Variants in KIAA1755 observed in about 807,000 individuals in gnomAD.
The protein encoded by KIAA1755 is KIAA1755.
In KIAA1755, 68 loss-of-function variants were observed where a neutral mutation model predicts 91.7. The observed-to-expected ratio is 0.74, with a 90% CI of 0.61 to 0.91. KIAA1755 has a LOEUF of 0.91. Ranked by LOEUF, KIAA1755 falls within the 40% of genes least tolerant of loss-of-function variation. KIAA1755 has a pLI of 0.00. For synonymous variants in KIAA1755, 610 were observed against 604.6 expected (o/e 1.01, Z -0.13); for missense variants, 1,535 against 1,494.4 (o/e 1.03, Z -0.45).
intron 13 of KIAA1755, among the ~76,000 whole-genome samples, chr20:38,215,709 C>T (rs1211174680): frequency 6.6e-6 from 1 of 152,136 alleles, no homozygotes; most frequent in Non-Finnish European, 1.5e-5. Flanking sequence ...CACGTTTGAT[C>T]GATCCGGGAA....
chr20:38,215,991 T>G (rs2075537408), intron 13 of KIAA1755, among the ~76,000 whole-genome samples: 1 of 152,208 alleles, frequency 6.6e-6, no homozygotes, highest in Non-Finnish European at 1.5e-5. Flanking sequence ...GGGTGAGTTA[T>G]CTGACCTCTC....
At chr20:38,233,743 C>A (rs1414812456) in intron 4 of KIAA1755, 2 of 152,102 alleles carry the variant, frequency 1.3e-5, no homozygotes, top group East Asian at 3.8e-4. Flanking sequence ...AAACTGCAAG[C>A]TTCTGGACCT....
rs1164000672 is a variant in KIAA1755, at chr20:38,240,686, G to C, written c.1445C>G (p.Pro482Arg). ...KFSFLRGQRQ[P>R]SVTPEKASLQ... is the part of the protein sequence containing the mutation. ...TGAGGCTTTCTCCGGGGTCACAGAG[G>C]GTTGCCTCTGCCCTCTCAAGAATGA... Residue 482 changes from proline (P) to arginine (R), a missense_variant, in exon 3 of 14, where the codon CCC (proline) becomes CGC (arginine). Physicochemically the swap from Pro to Arg is moderately radical, Grantham distance 103. Transcript: ENST00000279024. The C allele has an allele frequency of 1.3e-6, 2 of 1,556,834 alleles. No individual in the cohort carries two copies. Among genetic ancestry groups the C allele is most frequent in the Admixed American group, 1.9e-5 (1 of 51,688 alleles).
intron 10 of KIAA1755, among the ~76,000 whole-genome samples, chr20:38,221,421 T>C (rs2075656908): frequency 6.6e-6 from 1 of 152,046 alleles, no homozygotes; most frequent in South Asian, 2.1e-4. Context: ...GATGACCCCA[T>C]ACCAGTGCTG....
chr20:38,222,050 T>C (rs2075668873), intron 10 of KIAA1755, among the ~76,000 whole-genome samples: 1 of 152,240 alleles, frequency 6.6e-6, no homozygotes, highest in East Asian at 1.9e-4. Context: ...TGAGCCTCAG[T>C]TACCCATCAG....
Position 38,218,321 on chromosome 20 carries a change from G to C in KIAA1755, c.2602C>G (p.Leu868Val). ...EQEGRRCLQS[L>V]TPKDGSLETV... is the part of the protein sequence containing the mutation. Reference sequence around the variant, plus strand: ...TCCAAACTTCCATCCTTGGGGGTCAGTGATTGCAGGCACCGCCTTCCTTCC... The same window carrying C: ...TCCAAACTTCCATCCTTGGGGGTCACTGATTGCAGGCACCGCCTTCCTTCC... The change falls in exon 12 of 14, where the codon CTG becomes GTG. Residue 868 changes from leucine (L) to valine (V), a missense_variant. Transcript: ENST00000279024. The C allele has an allele frequency of 6.2e-7, 1 of 1,614,228 alleles. No homozygotes were observed. Among genetic ancestry groups the C allele is most frequent in the Non-Finnish European group, 8.5e-7 (1 of 1,180,044 alleles).
chr20:38,237,481 C>T (rs145865513), intron 4 of KIAA1755, among the ~76,000 whole-genome samples: 11 of 151,900 alleles, frequency 7.2e-5, no homozygotes, highest in East Asian at 2.0e-4. Context: ...GGAAAGCAAG[C>T]GAGTGAGTGT....
chr20:38,250,510 G>GTC (rs1052625305), intron 1 of KIAA1755, among the ~76,000 whole-genome samples: 1 of 135,808 alleles, frequency 7.4e-6, no homozygotes, highest in African/African-American at 2.6e-5. Context: ...GTGTGTGTGT[G>GTC]TCTGTGTGTG....
chr20:38,239,809 G>A, intron 3 of KIAA1755, 84 bp from the exon 4 acceptor site: 2 of 1,215,128 alleles, frequency 1.6e-6, no homozygotes, highest in South Asian at 2.5e-5. Flanking sequence ...TTCTCTTTCT[G>A]ACTAATAATA....
At chr20:38,225,601 A>C (rs771185151) in intron 8 of KIAA1755, 64 bp downstream of exon 8, 1 of 992,246 alleles carries the variant, frequency 1.0e-6, no homozygotes, top group East Asian at 2.4e-5. Flanking sequence ...TCCATGGGAC[A>C]GAAGAGTGAA....
intron 7 of KIAA1755, among the ~76,000 whole-genome samples, chr20:38,226,101 G>A (rs186763724): frequency 1.0e-3 from 155 of 152,214 alleles, no homozygotes; most frequent in South Asian, 2.9e-3. Flanking sequence ...ACAGCTCTCC[G>A]GGCAATCATA....
At chr20:38,219,410 G>A (rs759127967) in intron 11 of KIAA1755, among the ~76,000 whole-genome samples, 6 of 152,226 alleles carry the variant, frequency 3.9e-5, no homozygotes, top group Admixed American at 1.3e-4. Flanking sequence ...CGCTCAATAA[G>A]TGCAGCTCTT....
intron 13 of KIAA1755, among the ~76,000 whole-genome samples, chr20:38,215,549 G>A (rs1171665907): frequency 2.6e-5 from 4 of 152,336 alleles, no homozygotes; most frequent in Middle Eastern, 3.4e-3. Context: ...ACAGGGTGAC[G>A]AGAGAGAACC....
rs575288380 is a variant in KIAA1755 at position 38,212,906 on chromosome 20, C to T, written c.*136G>A. ...GGGGCAGGTCGACAGTTCTCATCCTCCCAGCAGAGGCAGAATGTAAAACCA... is the reference window on the plus strand; with the variant it reads ...GGGGCAGGTCGACAGTTCTCATCCTTCCAGCAGAGGCAGAATGTAAAACCA... On this transcript the variant is annotated 3_prime_UTR_variant, in exon 14 of 14. Transcript: ENST00000279024. 3 of 682,994 alleles carry T rather than the reference C, an allele frequency of 4.4e-6. No individual in the cohort carries two copies. In the South Asian group the frequency reaches 7.3e-5, roughly 17 times the overall value. 42.3% of individuals were successfully genotyped at this position (682,994 alleles called of 1,614,324 possible).
chr20:38,248,661 T>C (rs535058473), intron 1 of KIAA1755, among the ~76,000 whole-genome samples: 1 of 145,390 alleles, frequency 6.9e-6, no homozygotes, highest in East Asian at 2.0e-4. Context: ...CAATTTTTCT[T>C]TTCCTTTTCT....
Position 38,240,855 on chromosome 20 carries a change from A to T in KIAA1755, c.1276T>A (p.Ser426Thr), listed in dbSNP as rs1190737466. The T allele has an allele frequency of 1.2e-6, 2 of 1,613,898 alleles. No homozygotes were observed. The highest frequency in any genetic ancestry group is 2.7e-5 in the African/African-American group (2 of 74,922). ...GCTGCAGCTGCAGGAGAAGCTGGGG[A>T]CAGGCGGGGAGAGGAGGCTTGTCTT... is the stretch of plus-strand genomic sequence containing the variant. ...GPRQASSPRL[S>T]PASPAAAASE... Residue 426 changes from serine to threonine, a missense_variant, in exon 3 of 14, where the codon TCC becomes ACC. Transcript: ENST00000279024.
At chr20:38,223,181 C>T (rs1568738932) in intron 9 of KIAA1755, 1 of 201,398 alleles carries the variant, frequency 5.0e-6, no homozygotes, top group Non-Finnish European at 1.0e-5. Flanking sequence ...CAAGCCTCAA[C>T]TTAAACTCCA....
chr20:38,235,887 A>G (rs143933052), intron 4 of KIAA1755, among the ~76,000 whole-genome samples: 1 of 152,350 alleles, frequency 6.6e-6, no homozygotes, highest in African/African-American at 2.4e-5. Flanking sequence ...ACAGATCTTT[A>G]TGAAAACTTT....
chr20:38,221,540 A>G (rs752994972), intron 10 of KIAA1755, among the ~76,000 whole-genome samples: 12 of 152,106 alleles, frequency 7.9e-5, no homozygotes, highest in Middle Eastern at 3.2e-3. Flanking sequence ...GCCCCACCAC[A>G]TCCCAGCTAT....
Sources: gnomAD v4.1 joint callset for allele counts (sites outside exome capture counted in the v4.1 genomes callset) on GRCh38, gnomAD v4.1.1 for gene constraint, MANE v1.5 for transcripts, NCBI Gene and HGNC (gene_info 2026-07-23, HGNC 2026-07-21) for gene names.